MAD1L1: variants seen among roughly 807,000 people sequenced by gnomAD.
MAD1L1 encodes the protein mitotic arrest deficient 1 like 1.
Under a neutral mutation model 96.9 loss-of-function variants are expected in MAD1L1, and 95 were observed. The ratio of observed to expected loss-of-function variants is 0.98; its 90% confidence interval spans 0.83 to 1.16. The LOEUF (loss-of-function observed/expected upper bound fraction) is 1.16. Among genes scored for constraint, MAD1L1 ranks in the 50% most tolerant of loss-of-function variants. MAD1L1 has a pLI of 0.00. For synonymous variants in MAD1L1, 473 were observed against 396.6 expected (o/e 1.19, Z -2.29); for missense variants, 1,007 against 954.4 (o/e 1.06, Z -0.73).
intron 11 of MAD1L1, among the ~76,000 whole-genome samples, chr7:2,107,917 G>A (rs556862156): frequency 3.3e-5 from 5 of 152,112 alleles, no homozygotes; most frequent in Middle Eastern, 3.4e-3. Flanking sequence ...ACTGTGTCCC[G>A]GGCTGTGACA....
intron 10 of MAD1L1, among the ~76,000 whole-genome samples, chr7:2,182,104 C>T (rs139622271): frequency 2.0e-5 from 3 of 152,034 alleles, no homozygotes; most frequent in East Asian, 1.9e-4. Context: ...TCAAACACCA[C>T]GTTCCCCAAA....
intron 11 of MAD1L1, among the ~76,000 whole-genome samples, chr7:2,092,461 G>A (rs1018421997): frequency 2.6e-5 from 4 of 151,902 alleles, no homozygotes; most frequent in African/African-American, 4.8e-5. Flanking sequence ...TCTGGATATC[G>A]GTTGACTGTC....
At chr7:1,950,484 C>T (rs1201175410) in intron 16 of MAD1L1, among the ~76,000 whole-genome samples, 6 of 152,222 alleles carry the variant, frequency 3.9e-5, no homozygotes, top group Admixed American at 3.3e-4. Flanking sequence ...CCACCCGAGT[C>T]CTTCAGAAGG....
chr7:2,043,251 G>A (rs1184263676), intron 12 of MAD1L1, among the ~76,000 whole-genome samples: 1 of 152,134 alleles, frequency 6.6e-6, no homozygotes, highest in African/African-American at 2.4e-5. Flanking sequence ...TCCCATCGGA[G>A]GGGCACAGGG....
At chr7:2,064,853 G>A (rs1172071710) in intron 12 of MAD1L1, among the ~76,000 whole-genome samples, 1 of 151,940 alleles carries the variant, frequency 6.6e-6, no homozygotes, top group African/African-American at 2.4e-5. Flanking sequence ...TAGGAGGACA[G>A]TGTCTTCTCC....
intron 17 of MAD1L1, among the ~76,000 whole-genome samples, chr7:1,917,642 G>A (rs1788495550): frequency 6.6e-6 from 1 of 152,238 alleles, no homozygotes; most frequent in African/African-American, 2.4e-5. Flanking sequence ...AAAGAAAGAG[G>A]AGAGAAGAAG....
chr7:2,076,059 C>G (rs1322580209), intron 11 of MAD1L1, among the ~76,000 whole-genome samples: 1 of 152,334 alleles, frequency 6.6e-6, no homozygotes, highest in Non-Finnish European at 1.5e-5. Flanking sequence ...TGTGTGCTCC[C>G]GGGACCTGAT....
chr7:1,867,429 G>T (rs1784830225), intron 18 of MAD1L1, among the ~76,000 whole-genome samples: 1 of 152,246 alleles, frequency 6.6e-6, no homozygotes, highest in African/African-American at 2.4e-5. Context: ...ATGAGGCGGT[G>T]GCAGCAGCTT....
At chr7:2,038,497 A>G (rs11772463) in intron 12 of MAD1L1, among the ~76,000 whole-genome samples, 1 of 119,632 alleles carries the variant, frequency 8.4e-6, no homozygotes, top group Non-Finnish European at 1.7e-5. Context: ...GAAGCTGATG[A>G]CTTTTTTTTT....
chr7:2,057,194 A>G (rs1352145527), intron 12 of MAD1L1, among the ~76,000 whole-genome samples: 1 of 152,156 alleles, frequency 6.6e-6, no homozygotes, highest in African/African-American at 2.4e-5. Context: ...TTTCCACAGC[A>G]CCTAAATGTG....
chr7:2,055,436 C>T (rs189855227), intron 12 of MAD1L1, among the ~76,000 whole-genome samples: 72 of 152,220 alleles, frequency 4.7e-4, no homozygotes, highest in African/African-American at 1.7e-3. Flanking sequence ...ACCAGGGAAC[C>T]GGTGAGACAT....
intron 13 of MAD1L1, among the ~76,000 whole-genome samples, chr7:2,014,109 G>A (rs748937615): frequency 4.6e-5 from 7 of 152,196 alleles, no homozygotes; most frequent in Non-Finnish European, 1.0e-4. Flanking sequence ...CAGCAGCGGG[G>A]ACTAGAGCCC....
At chr7:2,127,610 A>G (rs1788293793) in intron 11 of MAD1L1, among the ~76,000 whole-genome samples, 1 of 152,128 alleles carries the variant, frequency 6.6e-6, no homozygotes, top group Non-Finnish European at 1.5e-5. Context: ...GGGTGGGGAA[A>G]AAAGGCAAGA....
At chr7:2,094,848 C>G (rs2128547231) in intron 11 of MAD1L1, among the ~76,000 whole-genome samples, 1 of 152,194 alleles carries the variant, frequency 6.6e-6, no homozygotes, top group East Asian at 1.9e-4. Context: ...GGTGGGAGTT[C>G]CAGGAACAGG....
chr7:1,875,847 T>C (rs1785359197), intron 18 of MAD1L1, among the ~76,000 whole-genome samples: 1 of 152,160 alleles, frequency 6.6e-6, no homozygotes, highest in South Asian at 2.1e-4. Flanking sequence ...ATAGGACCTT[T>C]AAGGAGGGAA....
chr7:2,054,007 G>A (rs893446192), intron 12 of MAD1L1, among the ~76,000 whole-genome samples: 1 of 152,232 alleles, frequency 6.6e-6, no homozygotes, highest in Non-Finnish European at 1.5e-5. Context: ...GAGGCAGGGC[G>A]GGAGGGGTCA....
At chr7:1,845,702 T>C (rs909502595) in intron 18 of MAD1L1, 2 of 151,556 alleles carry the variant, frequency 1.3e-5, no homozygotes, top group African/African-American at 4.9e-5. Context: ...GGAAGAGCGC[T>C]GTTTAGGAGA....
At chr7:2,047,964 T>C (rs1235431924) in intron 12 of MAD1L1, among the ~76,000 whole-genome samples, 2 of 151,872 alleles carry the variant, frequency 1.3e-5, no homozygotes, top group African/African-American at 2.4e-5. Context: ...ACGTGCACAC[T>C]CACATGATCA....
At chr7:1,861,261 G>A (rs115674202) in intron 18 of MAD1L1, among the ~76,000 whole-genome samples, 224 of 152,304 alleles carry the variant, frequency 1.5e-3, no homozygotes, top group African/African-American at 4.8e-3. Flanking sequence ...GGCTGAGACC[G>A]GGCTGGTCCC....
Sources: allele counts gnomAD v4.1 joint callset (sites outside exome capture counted in the v4.1 genomes callset), GRCh38; gene constraint gnomAD v4.1.1; transcripts MANE v1.5; gene names NCBI Gene and HGNC (gene_info 2026-07-23, HGNC 2026-07-21).